Variants in RMDN2 observed in about 807,000 individuals in gnomAD.
RMDN2 encodes regulator of microtubule dynamics protein 2.
A neutral mutation model predicts 52.8 loss-of-function variants in RMDN2; 61 were observed. The ratio of observed to expected loss-of-function variants is 1.16; its 90% confidence interval spans 0.94 to 1.43. The LOEUF (loss-of-function observed/expected upper bound fraction) is 1.43. Among genes scored for constraint, RMDN2 ranks in the 40% most tolerant of loss-of-function variants. The probability of loss-of-function intolerance (pLI) is 0.00; values close to 1 mark genes in which losing one functional copy is unlikely to be tolerated. For synonymous variants in RMDN2, 180 were observed against 153.1 expected (o/e 1.18, Z -1.30); for missense variants, 592 against 475.3 (o/e 1.25, Z -2.28).
intron 10 of RMDN2, chr2:38,030,633 T>C (rs1385767440): frequency 6.6e-6 from 1 of 152,268 alleles, no homozygotes. Flanking sequence ...ATTAAACATT[T>C]AATTTTTCAA....
chr2:37,968,438 CAAAAAA>C (rs71400332), intron 2 of RMDN2, among the ~76,000 whole-genome samples: 4 of 89,150 alleles, frequency 4.5e-5, no homozygotes, highest in East Asian at 4.8e-4. Flanking sequence ...GACTCTGTCT[CAAAAAA>C]AAAAAAAAAA....
At chr2:37,967,263 A>T (rs1671181142) in intron 2 of RMDN2, among the ~76,000 whole-genome samples, 1 of 152,258 alleles carries the variant, frequency 6.6e-6, no homozygotes, top group Middle Eastern at 3.2e-3. Flanking sequence ...AAAGTTAAAC[A>T]AACTTTCCAT....
Position 38,017,550 on chromosome 2 carries a change from T to C in RMDN2, c.*311T>C. The C allele has an allele frequency of 8.7e-7, 1 of 1,150,810 alleles. No individual in the cohort carries two copies. The allele number at this position is 1,150,810 out of a possible 1,614,324, so 71.3% of individuals were successfully genotyped here. A position where few individuals can be genotyped will look rare whatever the true frequency, so the allele number is the denominator to read the frequency against. On this transcript the variant is annotated 3_prime_UTR_variant, in exon 11 of 11. Coordinates refer to ENST00000354545, the MANE Select transcript of RMDN2 (RefSeq NM_001170791.3). ...TATTTAAATCCAATAAAATGAATTCTCATGAATATTTTATTGTTTCAATGG... is the reference window on the plus strand; with the variant it reads ...TATTTAAATCCAATAAAATGAATTCCCATGAATATTTTATTGTTTCAATGG...
chr2:37,938,870 GA>G (rs1311162208), intron 2 of RMDN2, among the ~76,000 whole-genome samples: 11 of 151,938 alleles, frequency 7.2e-5, no homozygotes, highest in African/African-American at 2.7e-4. Context: ...CTGATTTTTT[GA>G]AGAGTTTTTT....
At chr2:37,990,290 G>C (rs12618848) in intron 6 of RMDN2, among the ~76,000 whole-genome samples, 2 of 151,294 alleles carry the variant, frequency 1.3e-5, no homozygotes, top group African/African-American at 4.9e-5. Context: ...AGGCTGAAGC[G>C]GGCAGATTGC....
intron 10 of RMDN2, among the ~76,000 whole-genome samples, chr2:38,016,357 C>T (rs1678780992): frequency 6.6e-6 from 1 of 152,218 alleles, no homozygotes; most frequent in African/African-American, 2.4e-5. Flanking sequence ...TTAGCTCCCA[C>T]TGGAGGGAAA....
In RMDN2 at chr2:37,994,238, A is replaced by G. The variant is rs144868605; in HGVS notation, c.945+2941A>G. On this transcript the variant is annotated intron_variant, in intron 7 of 10. Transcript: ENST00000354545. ...AAATGTGGGATACAGAATATTTAAT[A>G]TGTAGCTATAATGTGTTTTTTAAAA... 2.9e-4 allele frequency among the ~76,000 whole-genome samples: 44 copies of G among 152,364 alleles called. No homozygotes were observed. In the East Asian group the frequency reaches 8.1e-3, roughly 28 times the overall value.
intron 10 of RMDN2, among the ~76,000 whole-genome samples, chr2:38,055,186 A>G (rs1177436695): frequency 6.6e-6 from 1 of 151,778 alleles, no homozygotes; most frequent in Admixed American, 6.6e-5. Flanking sequence ...CCGCTTGATG[A>G]TCCGCCTAGT....
chr2:38,032,846 G>T (rs1395758431), intron 10 of RMDN2: 1 of 151,088 alleles, frequency 6.6e-6, no homozygotes, highest in African/African-American at 2.4e-5. Flanking sequence ...CACAAAAAAT[G>T]TAAAAAAAAA....
chr2:38,024,989 G>C (rs937010831), intron 10 of RMDN2, among the ~76,000 whole-genome samples: 2 of 152,002 alleles, frequency 1.3e-5, no homozygotes, highest in Non-Finnish European at 2.9e-5. Flanking sequence ...TTTTTGTTCT[G>C]TTTGGACTGC....
At chr2:38,036,612 C>A (rs764795667) in intron 10 of RMDN2, 1 of 152,198 alleles carries the variant, frequency 6.6e-6, no homozygotes, top group Non-Finnish European at 1.5e-5. Flanking sequence ...CATTTACATT[C>A]ATCTTGGCAG....
chr2:37,922,707 T>C (rs1461815716), upstream of RMDN2, among the ~76,000 whole-genome samples: 1 of 152,234 alleles, frequency 6.6e-6, no homozygotes, highest in Non-Finnish European at 1.5e-5. Flanking sequence ...TTGAAACTCC[T>C]GGTCCTTCCA....
intron 7 of RMDN2, among the ~76,000 whole-genome samples, chr2:37,994,099 G>C (rs565429816): frequency 6.6e-6 from 1 of 152,260 alleles, no homozygotes; most frequent in East Asian, 1.9e-4. Flanking sequence ...CAACAATGAT[G>C]AGTTCACAGT....
chr2:37,969,244 C>T (rs1163137043), intron 2 of RMDN2, among the ~76,000 whole-genome samples: 2 of 151,876 alleles, frequency 1.3e-5, no homozygotes, highest in African/African-American at 4.8e-5. Context: ...AGGTCTGTTC[C>T]ATAGAAAATT....
chr2:37,945,913 G>A (rs56303247), intron 2 of RMDN2, among the ~76,000 whole-genome samples: 17 of 152,132 alleles, frequency 1.1e-4, no homozygotes, highest in African/African-American at 3.1e-4. Flanking sequence ...CCTAGGGGAA[G>A]TAAGGTGAAG....
chr2:38,020,754 A>T (rs1256008154), downstream of RMDN2, among the ~76,000 whole-genome samples: 1 of 152,182 alleles, frequency 6.6e-6, no homozygotes, highest in Non-Finnish European at 1.5e-5. Flanking sequence ...CCGGCAGGGC[A>T]GGGCTCGGGA....
intron 2 of RMDN2, among the ~76,000 whole-genome samples, chr2:37,941,169 G>A (rs1480851101): frequency 6.6e-6 from 1 of 152,334 alleles, no homozygotes; most frequent in Admixed American, 6.5e-5. Flanking sequence ...CAGGTCTGCT[G>A]GAGTTTGCTG....
intron 10 of RMDN2, among the ~76,000 whole-genome samples, chr2:38,062,933 C>T (rs1682117559): frequency 6.6e-6 from 1 of 152,240 alleles, no homozygotes; most frequent in Non-Finnish European, 1.5e-5. Flanking sequence ...CATGTCCCTA[C>T]AAAGGACATG....
intron 2 of RMDN2, chr2:37,952,449 G>C (rs763559313): frequency 1.0e-5 from 5 of 490,368 alleles, no homozygotes; most frequent in Non-Finnish European, 1.8e-5. Context: ...CAGATTTACT[G>C]CTTAAAGATG....
Sources: allele counts gnomAD v4.1 joint callset (sites outside exome capture counted in the v4.1 genomes callset), GRCh38; gene constraint gnomAD v4.1.1; transcripts MANE v1.5; gene names NCBI Gene and HGNC (gene_info 2026-07-23, HGNC 2026-07-21).